Variants in TMEM135 observed in about 807,000 individuals in gnomAD.
The protein encoded by TMEM135 is peroxisomal membrane protein 52.
TMEM135 carries 30 observed loss-of-function variants against 60.3 expected under a neutral mutation model. The ratio of observed to expected loss-of-function variants is 0.50; its 90% CI spans 0.37 to 0.68. The LOEUF is 0.68. TMEM135 is among the 30% of genes least tolerant of loss of function. The probability of loss-of-function intolerance (pLI) is 0.00; values close to 1 mark genes in which losing one functional copy is unlikely to be tolerated. For synonymous variants in TMEM135, 190 were observed against 186.7 expected, an observed-to-expected ratio of 1.02 and a Z score of -0.14; for missense variants, 468 against 548.8, an observed-to-expected ratio of 0.85 and a Z score of 1.47.
At chr11:87,191,987 C>CTT (rs200969171) in intron 5 of TMEM135, among the ~76,000 whole-genome samples, 9,939 of 76,840 alleles carry the variant, frequency 0.13, 1,238 homozygotes, top group East Asian at 0.44. Context: ...CTTTTCTTTT[C>CTT]TTTTTTTTTT....
rs963217544 is a variant in TMEM135 at position 87,093,828 on chromosome 11, G to A, written c.396+2433G>A. 3.3e-5 allele frequency among the ~76,000 whole-genome samples: 5 copies of A among 151,976 alleles called. No individual in the cohort carries two copies. In the East Asian group the frequency reaches 7.7e-4, roughly 23 times the overall value. ...ATTACAGGCATTAGCCACCACACCC[G>A]GCCAATTTACTTGTTTTTAATGCTG... On this transcript the variant is annotated intron_variant, in intron 4 of 14. Coordinates refer to ENST00000305494, the MANE Select transcript of TMEM135 (RefSeq NM_022918.4).
intron 10 of TMEM135, among the ~76,000 whole-genome samples, chr11:87,309,873 C>T (rs781638874): frequency 4.6e-5 from 7 of 152,080 alleles, no homozygotes; most frequent in Admixed American, 6.6e-5. Flanking sequence ...TTAATATACT[C>T]GAGTGTGTAG....
At chr11:87,247,475 A>C (rs1941309802) in intron 6 of TMEM135, among the ~76,000 whole-genome samples, 1 of 152,112 alleles carries the variant, frequency 6.6e-6, no homozygotes, top group Admixed American at 6.5e-5. Flanking sequence ...CTACAGAGGC[A>C]GGCAGGCCTC....
chr11:87,091,244 T>C, intron 3 of TMEM135, 118 bp from the exon 4 acceptor site: 1 of 862,634 alleles, frequency 1.2e-6, no homozygotes, highest in Non-Finnish European at 1.8e-6. Flanking sequence ...TTTTCTAAGA[T>C]ACCAGTACGT....
chr11:87,129,419 T>G (rs1249026458), intron 4 of TMEM135, among the ~76,000 whole-genome samples: 2 of 151,900 alleles, frequency 1.3e-5, no homozygotes, highest in South Asian at 2.1e-4. Flanking sequence ...ATTTTTGTGT[T>G]TTTAGTAGAG....
chr11:87,078,716 C>G (rs911767045), intron 3 of TMEM135, among the ~76,000 whole-genome samples: 22 of 152,020 alleles, frequency 1.4e-4, no homozygotes, highest in African/African-American at 5.3e-4. Flanking sequence ...TGGGTTAAAG[C>G]AATTCCCCTG....
rs543877703 is a variant in TMEM135, at chr11:87,144,210, AC to A, written c.397-13130del. Among the ~76,000 whole-genome samples, 330 of 152,350 alleles carry A rather than the reference AC, an allele frequency of 2.2e-3. 19 individuals are homozygous for A. In the South Asian group the frequency reaches 0.065, roughly 30 times the overall value. ...GCTAAGTTATTGCTTATTAAAAAAA[AC>A]AAACAGGTAAATATTTACAATGAAT... On this transcript the variant is annotated intron_variant, in intron 4 of 14. Transcript: ENST00000305494.
intron 5 of TMEM135, among the ~76,000 whole-genome samples, chr11:87,177,515 C>T (rs1335459537): frequency 2.0e-5 from 3 of 152,144 alleles, no homozygotes; most frequent in African/African-American, 7.2e-5. Flanking sequence ...GTTATACTCA[C>T]TGAAAGTGTG....
At chr11:87,137,608 G>T (rs1203911009) in intron 4 of TMEM135, among the ~76,000 whole-genome samples, 1 of 152,140 alleles carries the variant, frequency 6.6e-6, no homozygotes, top group African/African-American at 2.4e-5. Flanking sequence ...GTTCAGCTCT[G>T]ATAGGAAGAG....
intron 5 of TMEM135, among the ~76,000 whole-genome samples, chr11:87,170,488 T>G (rs1005857960): frequency 1.3e-5 from 2 of 152,180 alleles, no homozygotes; most frequent in Non-Finnish European, 2.9e-5. Flanking sequence ...ATCCTTTTTG[T>G]TGATGTTGTT....
chr11:87,154,987 T>TTTTATTTATTTATTTA (rs201665936), intron 4 of TMEM135, among the ~76,000 whole-genome samples: 1 of 122,240 alleles, frequency 8.2e-6, no homozygotes, highest in Non-Finnish European at 1.9e-5. Flanking sequence ...TGAAATCCAG[T>TTTTATTTATTTATTTA]TTTATTTATT....
intron 6 of TMEM135, among the ~76,000 whole-genome samples, chr11:87,275,044 G>A (rs78258277): frequency 0.025 from 3,775 of 151,608 alleles, 70 homozygotes; most frequent in Non-Finnish European, 0.036. Context: ...AATATTAAAT[G>A]AATGAATATT....
At chr11:87,103,771 A>G (rs1424118361) in intron 4 of TMEM135, among the ~76,000 whole-genome samples, 1 of 151,898 alleles carries the variant, frequency 6.6e-6, no homozygotes, top group Non-Finnish European at 1.5e-5. Flanking sequence ...CAGTCCTCCC[A>G]TAACTTCTTG....
intron 5 of TMEM135, among the ~76,000 whole-genome samples, chr11:87,166,382 G>A (rs141194007): frequency 0.019 from 2,930 of 151,742 alleles, 58 homozygotes; most frequent in Admixed American, 0.029. Context: ...CTTTGCCCAT[G>A]GCTATGTCCT....
At chr11:87,298,795 A>AAAAAAAAAAAC (rs2135436987) in intron 7 of TMEM135, among the ~76,000 whole-genome samples, 1 of 148,810 alleles carries the variant, frequency 6.7e-6, no homozygotes, top group African/African-American at 2.5e-5. Context: ...TCAAAAAAAA[A>AAAAAAAAAAAC]AAAAAAAAAC....
intron 5 of TMEM135, among the ~76,000 whole-genome samples, chr11:87,202,007 TATGTA>T (rs549961509): frequency 0.19 from 12,369 of 63,532 alleles, 757 homozygotes; most frequent in East Asian, 0.42. Flanking sequence ...TATGTTATGT[TATGTA>T]ATGTTATGTT....
chr11:87,260,889 G>GT (rs747522142), intron 6 of TMEM135, among the ~76,000 whole-genome samples: 33 of 152,182 alleles, frequency 2.2e-4, no homozygotes, highest in Non-Finnish European at 1.0e-4. Context: ...TTAAGATTCA[G>GT]TAGGTCTGGG....
Position 87,325,359 on chromosome 11 carries a change from C to G in TMEM135, c.*4026C>G, listed in dbSNP as rs150406790. The stretch of plus-strand genomic sequence containing the variant: ...TACAGCAGAGTAGTGAGTGAATGGC[C>G]TTAAGCTTACAGCTGTGGTGAATAA... On this transcript the variant is annotated 3_prime_UTR_variant, in exon 15 of 15. Coordinates refer to ENST00000305494, the MANE Select transcript of TMEM135 (RefSeq NM_022918.4). The G allele has an allele frequency of 1.2e-4, 56 of 454,066 alleles. No homozygotes were observed. The East Asian group carries it at 1.3e-3, about 11-fold the overall frequency. 28.1% of individuals were successfully genotyped at this position (454,066 alleles called of 1,614,324 possible).
intron 5 of TMEM135, among the ~76,000 whole-genome samples, chr11:87,222,844 A>T (rs1041112163): frequency 1.1e-4 from 16 of 152,098 alleles, no homozygotes; most frequent in Non-Finnish European, 2.4e-4. Context: ...ATCACTGTTG[A>T]TTATTGTTAT....
Sources: gnomAD v4.1 joint callset for allele counts (sites outside exome capture counted in the v4.1 genomes callset) on GRCh38, gnomAD v4.1.1 for gene constraint, MANE v1.5 for transcripts, NCBI Gene and HGNC (gene_info 2026-07-23, HGNC 2026-07-21) for gene names.